KCNIP4: variants seen among roughly 807,000 people sequenced by gnomAD.
The protein encoded by KCNIP4 is Kv channel-interacting protein 4.
A neutral mutation model predicts 34.0 loss-of-function variants in KCNIP4; 12 were observed. The observed-to-expected ratio is 0.35, with a 90% CI of 0.23 to 0.57. The LOEUF (loss-of-function observed/expected upper bound fraction) is 0.57, where lower values mean the gene tolerates loss of function less well. KCNIP4 is among the 20% of genes least tolerant of loss of function. The pLI is 0.83. For synonymous variants in KCNIP4, 124 were observed against 102.2 expected (o/e 1.21, Z -1.29); for missense variants, 238 against 311.7 (o/e 0.76, Z 1.78).
At chr4:21,915,374 CT>C (rs1560179715) in intron 1 of KCNIP4, among the ~76,000 whole-genome samples, 1 of 152,082 alleles carries the variant, frequency 6.6e-6, no homozygotes, top group Non-Finnish European at 1.5e-5. Flanking sequence ...TGTGCTAGAC[CT>C]TTTGCAAGAT....
intron 1 of KCNIP4, among the ~76,000 whole-genome samples, chr4:20,992,215 A>C (rs1453993869): frequency 6.6e-6 from 1 of 152,210 alleles, no homozygotes; most frequent in Non-Finnish European, 1.5e-5. Flanking sequence ...CCATGGCCTC[A>C]GGAAATTTAC....
intron 1 of KCNIP4, among the ~76,000 whole-genome samples, chr4:21,281,549 T>C (rs898713349): frequency 1.3e-5 from 2 of 152,224 alleles, no homozygotes; most frequent in African/African-American, 4.8e-5. Context: ...CAGTAAACTC[T>C]GTTATCTGGA....
intron 4 of KCNIP4, chr4:20,753,003 T>C (rs908503130): frequency 2.0e-5 from 3 of 152,322 alleles, no homozygotes; most frequent in East Asian, 3.9e-4. Flanking sequence ...ATCACATTCC[T>C]TTACATAACA....
chr4:20,839,248 T>A (rs1229686556), intron 3 of KCNIP4, among the ~76,000 whole-genome samples: 1 of 152,042 alleles, frequency 6.6e-6, no homozygotes, highest in Admixed American at 6.6e-5. Context: ...TCATTAGACA[T>A]CCAGTGCTTA....
intron 1 of KCNIP4, among the ~76,000 whole-genome samples, chr4:21,890,557 T>C (rs1727033736): frequency 6.6e-6 from 1 of 152,076 alleles, no homozygotes; most frequent in African/African-American, 2.4e-5. Flanking sequence ...ACAAATTCCC[T>C]TAAAAATGTA....
intron 1 of KCNIP4, among the ~76,000 whole-genome samples, chr4:21,492,879 T>G (rs772361897): frequency 7.9e-5 from 12 of 152,188 alleles, no homozygotes; most frequent in Non-Finnish European, 1.2e-4. Context: ...GCAGTTTCCA[T>G]TCAGGCCTAT....
At chr4:21,929,507 G>C (rs925563902) in intron 1 of KCNIP4, among the ~76,000 whole-genome samples, 2 of 152,088 alleles carry the variant, frequency 1.3e-5, no homozygotes, top group Non-Finnish European at 2.9e-5. Context: ...AAGAAGAATA[G>C]TTCTTTCTAT....
At chr4:21,813,415 C>T (rs1398766152) in intron 1 of KCNIP4, among the ~76,000 whole-genome samples, 2 of 152,162 alleles carry the variant, frequency 1.3e-5, no homozygotes, top group East Asian at 3.9e-4. Flanking sequence ...ATTTTTACAA[C>T]ATCTAGACAA....
chr4:21,467,491 C>T (rs576637283), intron 1 of KCNIP4, among the ~76,000 whole-genome samples: 12 of 152,014 alleles, frequency 7.9e-5, no homozygotes, highest in South Asian at 2.1e-4. Context: ...TTGAGGGCTA[C>T]GGGGTTAGGC....
chr4:20,921,989 A>G (rs1275785707), intron 1 of KCNIP4, among the ~76,000 whole-genome samples: 4 of 152,372 alleles, frequency 2.6e-5, no homozygotes, highest in African/African-American at 9.6e-5. Context: ...AAATACATAC[A>G]TAATTGCTCA....
At chr4:21,730,822 T>C (rs1197441818) in intron 1 of KCNIP4, among the ~76,000 whole-genome samples, 1 of 151,884 alleles carries the variant, frequency 6.6e-6, no homozygotes. Context: ...AAATTAAGAG[T>C]CGATTCTAGG....
chr4:21,102,575 T>C (rs529247384), intron 1 of KCNIP4, among the ~76,000 whole-genome samples: 123 of 152,338 alleles, frequency 8.1e-4, no homozygotes, highest in African/African-American at 2.7e-3. Flanking sequence ...GCTGAAGTCA[T>C]GGAAGTCTGT....
At chr4:20,785,128 C>A (rs906730613) in intron 3 of KCNIP4, among the ~76,000 whole-genome samples, 1 of 152,022 alleles carries the variant, frequency 6.6e-6, no homozygotes, top group African/African-American at 2.4e-5. Context: ...GCAGGGCTAG[C>A]CAAGCATCCC....
chr4:21,637,986 G>A (rs1362888998), intron 1 of KCNIP4, among the ~76,000 whole-genome samples: 1 of 151,954 alleles, frequency 6.6e-6, no homozygotes, highest in African/African-American at 2.4e-5. Flanking sequence ...ATGGGGCAGG[G>A]GGGAGAAAAA....
chr4:21,647,025 T>C (rs1387350829), intron 1 of KCNIP4, among the ~76,000 whole-genome samples: 2 of 152,138 alleles, frequency 1.3e-5, no homozygotes, highest in African/African-American at 2.4e-5. Flanking sequence ...TCTTTTGTAA[T>C]TGAAAGTGAA....
intron 1 of KCNIP4, among the ~76,000 whole-genome samples, chr4:21,674,467 G>A (rs1488705119): frequency 2.6e-5 from 4 of 152,144 alleles, no homozygotes; most frequent in African/African-American, 9.7e-5. Flanking sequence ...GCTACAAGTG[G>A]GTTATGTTCC....
At chr4:21,921,412 G>A (rs894552637) in intron 1 of KCNIP4, among the ~76,000 whole-genome samples, 2 of 151,976 alleles carry the variant, frequency 1.3e-5, no homozygotes, top group Admixed American at 6.6e-5. Context: ...TACATTACAA[G>A]GCTCAAACAT....
chr4:21,118,904 A>G (rs1749910303), intron 1 of KCNIP4, among the ~76,000 whole-genome samples: 3 of 152,192 alleles, frequency 2.0e-5, no homozygotes, highest in Non-Finnish European at 2.9e-5. Flanking sequence ...TAAGAACCTA[A>G]GACCTTAGCC....
chr4:21,220,889 A>T (rs1264058170), intron 1 of KCNIP4, among the ~76,000 whole-genome samples: 3 of 152,204 alleles, frequency 2.0e-5, no homozygotes, highest in Admixed American at 6.5e-5. Context: ...ATTAAAAAAA[A>T]GTCCTAATGG....
Sources: gnomAD v4.1 joint callset for allele counts (sites outside exome capture counted in the v4.1 genomes callset) on GRCh38, gnomAD v4.1.1 for gene constraint, MANE v1.5 for transcripts, NCBI Gene and HGNC (gene_info 2026-07-23, HGNC 2026-07-21) for gene names.